The following ZFPM1 variants were observed in gnomAD, a reference collection of about 807,000 sequenced individuals.
ZFPM1 encodes zinc finger protein ZFPM1.
Under a neutral mutation model 46.3 loss-of-function variants are expected in ZFPM1, and 28 were observed. That is an observed-to-expected ratio of 0.60 (90% CI 0.45 to 0.83). The LOEUF is 0.83. Among genes scored for constraint, ZFPM1 ranks in the 40% least tolerant of loss-of-function variants. The probability of loss-of-function intolerance (pLI) is 0.00; values close to 1 mark genes in which losing one functional copy is unlikely to be tolerated. For missense variants in ZFPM1, 1,878 were observed against 1,432.4 expected, an observed-to-expected ratio of 1.31 and a Z score of -5.02; for synonymous variants, 957 against 675.9, an observed-to-expected ratio of 1.42 and a Z score of -6.45.
intron 2 of ZFPM1, among the ~76,000 whole-genome samples, chr16:88,486,620 G>C (rs1424262691): frequency 1.3e-5 from 2 of 150,902 alleles, no homozygotes; most frequent in African/African-American, 4.9e-5. Context: ...ATGGGTGCTG[G>C]GTGCACAGTG....
At position 88,453,613 on chromosome 16, in the gene ZFPM1, C is replaced by T. The variant is rs1415007366; in HGVS notation, c.-26C>T. On this transcript the variant is annotated 5_prime_UTR_variant, in exon 1 of 10. Coordinates refer to ENST00000319555, the MANE Select transcript of ZFPM1 (RefSeq NM_153813.3). ...GCCCGCCCGGGGCTAGAGGCGGCCG[C>T]CGGGAGGGCGCGCGGCGCCGGAGAC... 2 of 1,095,442 alleles carry T rather than the reference C, an allele frequency of 1.8e-6. No individual in the cohort carries two copies. The highest frequency in any genetic ancestry group is 2.2e-6 in the Non-Finnish European group (2 of 890,568). The allele number at this position is 1,095,442 out of a possible 1,614,324, so 67.9% of individuals were successfully genotyped here.
intron 6 of ZFPM1, among the ~76,000 whole-genome samples, chr16:88,529,906 G>A (rs1452643874): frequency 1.3e-5 from 2 of 152,202 alleles, no homozygotes; most frequent in Non-Finnish European, 2.9e-5. Context: ...AATAGCTGGT[G>A]ACACTGGAGA....
chr16:88,527,884 C>T, intron 5 of ZFPM1, 148 bp from the exon 6 acceptor site: 1 of 734,256 alleles, frequency 1.4e-6, no homozygotes, highest in Non-Finnish European at 2.1e-6. Context: ...CCAGCCTTGC[C>T]CCCCAGGCAG....
At chr16:88,514,560 A>G (rs1911174694) in intron 4 of ZFPM1, 40 bp downstream of exon 4, 2 of 1,241,356 alleles carry the variant, frequency 1.6e-6, no homozygotes, top group African/African-American at 1.6e-5. Context: ...GCCCACCCCA[A>G]TGCAGGGCAA....
intron 1 of ZFPM1, among the ~76,000 whole-genome samples, chr16:88,479,745 C>A (rs1299292745): frequency 6.7e-6 from 1 of 148,732 alleles, no homozygotes; most frequent in African/African-American, 2.5e-5. Flanking sequence ...AGGAGGCCAG[C>A]CCTGGGGGTC....
intron 4 of ZFPM1, among the ~76,000 whole-genome samples, chr16:88,524,290 C>T (rs1333926205): frequency 6.6e-6 from 1 of 152,170 alleles, no homozygotes; most frequent in East Asian, 1.9e-4. Flanking sequence ...ACACAGTAGC[C>T]GCCGGTCACC....
intron 2 of ZFPM1, among the ~76,000 whole-genome samples, chr16:88,487,255 G>A (rs1010634420): frequency 6.6e-6 from 1 of 152,176 alleles, no homozygotes; most frequent in African/African-American, 2.4e-5. Flanking sequence ...ACAGCAGCAG[G>A]TTGTGGGGTG....
In ZFPM1 at chr16:88,535,102, G is replaced by A. The variant is rs1913188538; in HGVS notation, c.*123G>A. 2.5e-6 allele frequency: 3 copies of A among 1,215,764 alleles called. No individual in the cohort carries two copies. The highest frequency in any genetic ancestry group is 2.1e-6 in the Non-Finnish European group (2 of 942,984). 75.3% of individuals were successfully genotyped at this position (1,215,764 alleles called of 1,614,324 possible). A position where few individuals can be genotyped will look rare whatever the true frequency, so the allele number is the denominator to read the frequency against. Reference sequence around the variant, plus strand: ...GCCACGCACAGGCCTCGGCGGAGGGGGCCGCAGGGGGCAGCGCCCGCCTGG... The same window carrying A: ...GCCACGCACAGGCCTCGGCGGAGGGAGCCGCAGGGGGCAGCGCCCGCCTGG... On this transcript the variant is annotated 3_prime_UTR_variant, in exon 10 of 10. Transcript: ENST00000319555.
chr16:88,475,385 C>T (rs1326764187), intron 1 of ZFPM1, among the ~76,000 whole-genome samples: 2 of 152,136 alleles, frequency 1.3e-5, no homozygotes, highest in Non-Finnish European at 2.9e-5. Context: ...GAGCTGTGAT[C>T]CTCCTATGAC....
At chr16:88,508,810 C>T (rs1476888621) in intron 3 of ZFPM1, among the ~76,000 whole-genome samples, 2 of 152,230 alleles carry the variant, frequency 1.3e-5, no homozygotes, top group Admixed American at 6.5e-5. Context: ...GGGCTTTTCC[C>T]CCCAGGAGGG....
intron 1 of ZFPM1, among the ~76,000 whole-genome samples, chr16:88,475,998 T>A (rs577072721): frequency 1.3e-5 from 2 of 151,274 alleles, no homozygotes; most frequent in East Asian, 4.0e-4. Context: ...GCTGAGGGGG[T>A]GTGGGTGCAG....
At position 88,526,798 on chromosome 16, in the gene ZFPM1, T is replaced by TC; in HGVS notation, c.403-16_403-15insC. ...TGACGGACCCCTCCCCACGTGTTCC[T>TC]ACCCTCCCCCCCCAGAGCCCAGCCC... On this transcript the variant is annotated splice_polypyrimidine_tract_variant and intron_variant, in intron 4 of 9. Transcript: ENST00000319555. 3 of 1,381,812 alleles carry TC rather than the reference T, an allele frequency of 2.2e-6. No homozygotes were observed. Among genetic ancestry groups the TC allele is most frequent in the Admixed American group, 2.6e-5 (1 of 38,766 alleles). 85.6% of individuals were successfully genotyped at this position (1,381,812 alleles called of 1,614,324 possible). A position where few individuals can be genotyped will look rare whatever the true frequency, so the allele number is the denominator to read the frequency against.
chr16:88,477,755 T>C (rs1908750829), intron 1 of ZFPM1, among the ~76,000 whole-genome samples: 1 of 152,264 alleles, frequency 6.6e-6, no homozygotes, highest in East Asian at 1.9e-4. Flanking sequence ...CAGTTGGTTG[T>C]ATGTGAATTC....
At chr16:88,511,363 C>T (rs1038904120) in intron 3 of ZFPM1, among the ~76,000 whole-genome samples, 4 of 152,124 alleles carry the variant, frequency 2.6e-5, no homozygotes, top group East Asian at 3.9e-4. Flanking sequence ...TCCTCAGCCT[C>T]GCCGGGCCCC....
intron 3 of ZFPM1, among the ~76,000 whole-genome samples, chr16:88,503,062 G>C (rs960963491): frequency 2.0e-5 from 3 of 152,268 alleles, no homozygotes; most frequent in African/African-American, 7.2e-5. Context: ...CCGCGGGGCA[G>C]GGTGGGTGGA....
chr16:88,464,030 T>G (rs1431377731), intron 1 of ZFPM1, among the ~76,000 whole-genome samples: 2 of 152,212 alleles, frequency 1.3e-5, no homozygotes, highest in Non-Finnish European at 2.9e-5. Flanking sequence ...CCAGGAGCCC[T>G]TGATCGAGGT....
chr16:88,461,547 C>G (rs532252484), intron 1 of ZFPM1, among the ~76,000 whole-genome samples: 2 of 152,180 alleles, frequency 1.3e-5, no homozygotes, highest in East Asian at 3.9e-4. Flanking sequence ...GATGAGAACA[C>G]CTCCTTCCCG....
Position 88,534,397 on chromosome 16 carries a change from G to C in ZFPM1, c.2439G>C (p.Leu813=), listed in dbSNP as rs1159829084. The change falls in exon 10 of 10, where the codon CTG becomes CTC. Residue 813 remains leucine, a synonymous_variant. Transcript: ENST00000319555. ...RPLPGAPAPA[L]ADYHECTACR... is the part of the protein sequence containing the mutation. ...TCCCCGGAGCCCCGGCACCGGCGCT[G>C]GCCGACTACCACGAGTGCACGGCCT... The C allele has an allele frequency of 3.4e-6, 5 of 1,475,732 alleles. No homozygotes were observed. The highest frequency in any genetic ancestry group is 4.5e-6 in the Non-Finnish European group (5 of 1,119,754). The allele number at this position is 1,475,732 out of a possible 1,614,324, so 91.4% of individuals were successfully genotyped here. A position where few individuals can be genotyped will look rare whatever the true frequency, so the allele number is the denominator to read the frequency against.
At chr16:88,509,074 G>A (rs1401565383) in intron 3 of ZFPM1, among the ~76,000 whole-genome samples, 2 of 152,128 alleles carry the variant, frequency 1.3e-5, no homozygotes, top group Admixed American at 6.5e-5. Context: ...CTCGGTTTCT[G>A]TGTCTGTACA....
Sources: gnomAD v4.1 joint callset for allele counts (sites outside exome capture counted in the v4.1 genomes callset) on GRCh38, gnomAD v4.1.1 for gene constraint, MANE v1.5 for transcripts, NCBI Gene and HGNC (gene_info 2026-07-23, HGNC 2026-07-21) for gene names.